PCCA: variants seen among roughly 807,000 people sequenced by gnomAD.
PCCA encodes the protein propionyl-CoA carboxylase subunit alpha.
A neutral mutation model predicts 101.3 loss-of-function variants in PCCA; 74 were observed. The observed-to-expected ratio is 0.73, with a 90% CI of 0.61 to 0.89. The LOEUF is 0.89. Among genes scored for constraint, PCCA ranks in the 40% least tolerant of loss-of-function variants. PCCA has a pLI of 0.00. For synonymous variants in PCCA, 294 were observed against 313.6 expected (o/e 0.94, Z 0.66); for missense variants, 891 against 907.0 (o/e 0.98, Z 0.23).
intron 6 of PCCA, among the ~76,000 whole-genome samples, chr13:100,202,789 A>G (rs534926102): frequency 6.6e-6 from 1 of 151,086 alleles, no homozygotes; most frequent in Admixed American, 6.6e-5. Flanking sequence ...TGTCTTTCTC[A>G]TAAGGCATTG....
chr13:100,108,583 C>T (rs1019277345), intron 2 of PCCA, among the ~76,000 whole-genome samples: 12 of 152,202 alleles, frequency 7.9e-5, no homozygotes, highest in Admixed American at 5.2e-4. Flanking sequence ...GGCCTTTACA[C>T]ATGCTGTTCA....
At chr13:100,200,308 G>T (rs1025401626) in intron 6 of PCCA, among the ~76,000 whole-genome samples, 2 of 152,144 alleles carry the variant, frequency 1.3e-5, no homozygotes, top group Non-Finnish European at 2.9e-5. Context: ...GTTTCACCAT[G>T]TTAGCTAGAA....
intron 1 of PCCA, among the ~76,000 whole-genome samples, chr13:100,099,372 C>T (rs2047066415): frequency 7.0e-6 from 1 of 142,806 alleles, no homozygotes; most frequent in African/African-American, 2.7e-5. Flanking sequence ...GACTGGAGTG[C>T]AGTGGCGTGA....
chr13:100,099,762 G>A (rs959714636), intron 1 of PCCA, among the ~76,000 whole-genome samples: 2 of 152,068 alleles, frequency 1.3e-5, no homozygotes, highest in African/African-American at 2.4e-5. Context: ...ATTGTGTGCT[G>A]ATGATAATAT....
At chr13:100,341,123 A>G (rs1411135441) in intron 18 of PCCA, among the ~76,000 whole-genome samples, 1 of 152,180 alleles carries the variant, frequency 6.6e-6, no homozygotes, top group Non-Finnish European at 1.5e-5. Context: ...TTTACCTAGA[A>G]AGAATAGGAA....
At chr13:100,162,197 A>G (rs1231940842) in intron 6 of PCCA, among the ~76,000 whole-genome samples, 1 of 152,090 alleles carries the variant, frequency 6.6e-6, no homozygotes, top group African/African-American at 2.4e-5. Context: ...CTTTTTTTAT[A>G]TGAAAAGAAG....
intron 8 of PCCA, among the ~76,000 whole-genome samples, chr13:100,255,660 C>T (rs2062027294): frequency 6.6e-6 from 1 of 152,114 alleles, no homozygotes; most frequent in Non-Finnish European, 1.5e-5. Context: ...TTAGATTGCG[C>T]TTTTTCACTC....
At chr13:100,440,556 A>G (rs1025753416) in intron 20 of PCCA, among the ~76,000 whole-genome samples, 41 of 152,172 alleles carry the variant, frequency 2.7e-4, no homozygotes, top group African/African-American at 9.4e-4. Context: ...TAATATTTTA[A>G]TTAGAAAAAT....
chr13:100,453,561 T>G, intron 21 of PCCA, among the ~76,000 whole-genome samples: 1 of 152,032 alleles, frequency 6.6e-6, no homozygotes, highest in African/African-American at 2.4e-5. Context: ...TGAACTAAGC[T>G]GTCTTCCATG....
At chr13:100,232,684 C>CTAGA (rs2060567219) in intron 7 of PCCA, among the ~76,000 whole-genome samples, 1 of 152,046 alleles carries the variant, frequency 6.6e-6, no homozygotes. Context: ...CTTGGCCTGG[C>CTAGA]TAGATGTCTT....
chr13:100,328,371 TATAATAATA>T (rs58866207), intron 16 of PCCA, among the ~76,000 whole-genome samples: 27,414 of 141,776 alleles, frequency 0.19, 2,912 homozygotes, highest in Non-Finnish European at 0.25. Context: ...TCAAAAAATA[TATAATAATA>T]ATAATAATAA....
intron 18 of PCCA, among the ~76,000 whole-genome samples, chr13:100,344,897 T>C (rs1435520066): frequency 6.6e-6 from 1 of 152,232 alleles, no homozygotes; most frequent in Non-Finnish European, 1.5e-5. Flanking sequence ...ATCATTATTA[T>C]CATATCTGTT....
intron 4 of PCCA, among the ~76,000 whole-genome samples, chr13:100,130,141 A>G (rs1000848152): frequency 1.1e-4 from 16 of 152,206 alleles, no homozygotes; most frequent in African/African-American, 2.2e-4. Flanking sequence ...TCAAGCATCA[A>G]TTTATCCAAG....
chr13:100,132,669 T>C (rs1341378573), intron 4 of PCCA, among the ~76,000 whole-genome samples: 1 of 152,218 alleles, frequency 6.6e-6, no homozygotes, highest in Non-Finnish European at 1.5e-5. Flanking sequence ...AGGAGTGGGA[T>C]TGCTGGTCAT....
chr13:100,451,851 C>G (rs574055050), intron 21 of PCCA, among the ~76,000 whole-genome samples: 44 of 144,356 alleles, frequency 3.0e-4, no homozygotes, highest in Non-Finnish European at 5.4e-4. Context: ...TCTCCTCTCT[C>G]TCCTCTTCCT....
chr13:100,464,597 T>C (rs2082379738), intron 21 of PCCA: 1 of 152,184 alleles, frequency 6.6e-6, no homozygotes, highest in African/African-American at 2.4e-5. Flanking sequence ...AGGGAAAATA[T>C]TGTTCCCTTT....
chr13:100,095,501 G>A (rs2046687037), intron 1 of PCCA, among the ~76,000 whole-genome samples: 2 of 152,174 alleles, frequency 1.3e-5, no homozygotes, highest in Admixed American at 6.5e-5. Flanking sequence ...AAAAAGATAG[G>A]TTAATGGGAT....
intron 6 of PCCA, among the ~76,000 whole-genome samples, chr13:100,169,872 G>T (rs1246126173): frequency 6.6e-6 from 1 of 152,066 alleles, no homozygotes; most frequent in Non-Finnish European, 1.5e-5. Context: ...GCTAATTTTT[G>T]TATTTTTAGT....
At chr13:100,128,522 T>G (rs182499015) in intron 4 of PCCA, among the ~76,000 whole-genome samples, 2 of 152,262 alleles carry the variant, frequency 1.3e-5, no homozygotes, top group Admixed American at 1.3e-4. Flanking sequence ...AATAGGGTGC[T>G]CAGGGAAAGT....
Sources: gnomAD v4.1 joint callset for allele counts (sites outside exome capture counted in the v4.1 genomes callset) on GRCh38, gnomAD v4.1.1 for gene constraint, MANE v1.5 for transcripts, NCBI Gene and HGNC (gene_info 2026-07-23, HGNC 2026-07-21) for gene names.